The following WDR72 variants were observed in gnomAD, a reference collection of about 807,000 sequenced individuals.
WDR72 encodes the protein WD repeat domain 72.
WDR72 carries 120 observed loss-of-function variants against 124.2 expected under a neutral mutation model. That is an observed-to-expected ratio of 0.97 (90% CI 0.83 to 1.12). WDR72 has a LOEUF of 1.12. Among genes scored for constraint, WDR72 ranks in the 50% most tolerant of loss-of-function variants. The pLI, the probability that WDR72 is intolerant of heterozygous loss-of-function variation, is 0.00. For synonymous variants in WDR72, 452 were observed against 441.7 expected, an observed-to-expected ratio of 1.02 and a Z score of -0.29; for missense variants, 1,387 against 1,278.8, an observed-to-expected ratio of 1.08 and a Z score of -1.29.
intron 15 of WDR72, among the ~76,000 whole-genome samples, chr15:53,614,997 C>T (rs1906405): frequency 0.71 from 108,268 of 151,806 alleles, 38,656 homozygotes; most frequent in South Asian, 0.75. Flanking sequence ...CCTTCTCTGA[C>T]GATATAAAAA....
chr15:53,677,487 T>C (rs1454859148), intron 13 of WDR72, among the ~76,000 whole-genome samples: 1 of 152,190 alleles, frequency 6.6e-6, no homozygotes, highest in Non-Finnish European at 1.5e-5. Context: ...AAATTTTAGC[T>C]CTCATAATTC....
In WDR72 at chr15:53,714,493, C is replaced by A. The variant is rs751606837; in HGVS notation, c.532G>T (p.Val178Leu). Reference sequence around the variant, plus strand: ...ACTTTGAGCTCACCAGCTACTGATACCACCAAGAGAGAATCTTCTGTGAAA... The same window carrying A: ...ACTTTGAGCTCACCAGCTACTGATAACACCAAGAGAGAATCTTCTGTGAAA... ...MRIQEDSLLVVSVAGELKVWD... is the reference protein window; with the variant it reads ...MRIQEDSLLVLSVAGELKVWD... Residue 178 changes from valine to leucine, a missense_variant, in exon 6 of 20, where the codon GTA becomes TTA. Coordinates refer to ENST00000360509, the MANE Select transcript of WDR72 (RefSeq NM_182758.4). 1.9e-6 allele frequency: 3 copies of A among 1,613,354 alleles called. No individual in the cohort carries two copies. Among genetic ancestry groups the A allele is most frequent in the East Asian group, 4.5e-5 (2 of 44,842 alleles).
At chr15:53,647,248 T>A (rs998261730) in intron 14 of WDR72, among the ~76,000 whole-genome samples, 5 of 152,080 alleles carry the variant, frequency 3.3e-5, no homozygotes, top group African/African-American at 1.2e-4. Context: ...ACTAAAGGTA[T>A]TTATATCCAT....
intron 15 of WDR72, 140 bp from the exon 16 acceptor site, chr15:53,613,897 T>C (rs1040575909): frequency 1.6e-6 from 1 of 609,996 alleles, no homozygotes; most frequent in African/African-American, 1.8e-5. Flanking sequence ...ATCTTTCACA[T>C]CAATTTCTCT....
At chr15:53,610,623 T>C (rs1049721144) in intron 16 of WDR72, among the ~76,000 whole-genome samples, 5 of 151,736 alleles carry the variant, frequency 3.3e-5, no homozygotes, top group African/African-American at 1.2e-4. Context: ...TCAAGGAAAA[T>C]GCAATAAAGG....
upstream of WDR72, among the ~76,000 whole-genome samples, chr15:53,762,395 AACTG>A (rs2019076547): frequency 6.6e-6 from 1 of 152,170 alleles, no homozygotes; most frequent in African/African-American, 2.4e-5. Context: ...CACTTGTCAC[AACTG>A]ACTACCATTG....
intron 11 of WDR72, among the ~76,000 whole-genome samples, chr15:53,703,201 A>G (rs1054519283): frequency 1.3e-5 from 2 of 152,194 alleles, no homozygotes; most frequent in African/African-American, 4.8e-5. Flanking sequence ...GGCGGTAGCC[A>G]CCGCGCCCAG....
chr15:53,581,271 A>G (rs374208592), intron 18 of WDR72, among the ~76,000 whole-genome samples: 2 of 152,084 alleles, frequency 1.3e-5, no homozygotes, highest in East Asian at 3.9e-4. Flanking sequence ...TTTCACTACA[A>G]TGTAACCAAA....
intron 1 of WDR72, among the ~76,000 whole-genome samples, chr15:53,752,089 C>A (rs1448978773): frequency 6.6e-6 from 1 of 152,108 alleles, no homozygotes; most frequent in African/African-American, 2.4e-5. Context: ...TTCTATCATT[C>A]ATAACTTACA....
At chr15:53,609,204 T>C (rs145765939) in intron 17 of WDR72, among the ~76,000 whole-genome samples, 2 of 152,224 alleles carry the variant, frequency 1.3e-5, no homozygotes, top group African/African-American at 4.8e-5. Flanking sequence ...CATAGGTACT[T>C]TAATGTATGG....
At chr15:53,565,200 T>A (rs1431842286) in intron 18 of WDR72, among the ~76,000 whole-genome samples, 3 of 151,794 alleles carry the variant, frequency 2.0e-5, no homozygotes, top group Admixed American at 2.0e-4. Flanking sequence ...AGGGAGCCCT[T>A]GGGGACTCGA....
chr15:53,550,902 C>G (rs1478524103), intron 18 of WDR72, among the ~76,000 whole-genome samples: 1 of 151,948 alleles, frequency 6.6e-6, no homozygotes, highest in Admixed American at 6.6e-5. Context: ...ACAATCTGTA[C>G]ATAAACACAA....
rs757920439 is a variant in WDR72, at chr15:53,712,799, T to G, written c.684A>C (p.Leu228=). Residue 228 remains leucine, a synonymous_variant, in exon 7 of 20, where the codon CTA becomes CTC. Transcript: ENST00000360509. ...TCCAACATTTAGAAAATACCACCAA[T>G]AGAAGTCTCTCAGTATATGTGCAAA... ...IRFCTYTERL[L]LVVFSKCWKV... 2 of 1,613,224 alleles carry G rather than the reference T, an allele frequency of 1.2e-6. No individual in the cohort carries two copies. The highest frequency in any genetic ancestry group is 1.7e-6 in the Non-Finnish European group (2 of 1,179,340).
chr15:53,705,181 A>G lies in WDR72; in HGVS notation c.1155T>C (p.Asp385=), dbSNP rs1316558124. 6.2e-7 allele frequency: 1 copy of G among 1,614,076 alleles called. No homozygotes were observed. Among genetic ancestry groups the G allele is most frequent in the Non-Finnish European group, 8.5e-7 (1 of 1,180,024 alleles). ...WTLQDNFDKH[D]TMSQSIIDYF... ...AGTCAATAATACTTTGTGACATAGT[A>G]TCATGCTTATCAAAATTATCTTGAA... The change falls in exon 11 of 20, where the codon GAT becomes GAC. Residue 385 remains aspartate (D), a synonymous_variant. Transcript: ENST00000360509.
Position 53,653,697 on chromosome 15 carries a change from G to A in WDR72, c.1962+11875C>T, listed in dbSNP as rs568346686. On this transcript the variant is annotated intron_variant, in intron 14 of 19. Transcript: ENST00000360509. ...AGTTTCTTTTCTTTCTGTCATGCTT[G>A]TGGAAGCTGAAAATAATATTTCATA... 2.6e-5 allele frequency among the ~76,000 whole-genome samples: 4 copies of A among 152,188 alleles called. 1 individual carries two copies. Among genetic ancestry groups the A allele is most frequent in the African/African-American group, 9.6e-5 (4 of 41,532 alleles).
chr15:53,678,415 T>C (rs760845123), intron 13 of WDR72, among the ~76,000 whole-genome samples: 1 of 152,206 alleles, frequency 6.6e-6, no homozygotes, highest in East Asian at 1.9e-4. Flanking sequence ...GTTCCCTATA[T>C]AGCCAGTAGT....
intron 17 of WDR72, among the ~76,000 whole-genome samples, chr15:53,600,904 T>C (rs1280460632): frequency 1.3e-5 from 2 of 152,166 alleles, no homozygotes; most frequent in Non-Finnish European, 2.9e-5. Context: ...TTTTCTAGCA[T>C]TTATTTTTAT....
At chr15:53,558,696 C>G (rs189163661) in intron 18 of WDR72, among the ~76,000 whole-genome samples, 7 of 151,936 alleles carry the variant, frequency 4.6e-5, no homozygotes, top group African/African-American at 1.2e-4. Context: ...AAGAAAGAAC[C>G]CTGTAATGTA....
intron 18 of WDR72, among the ~76,000 whole-genome samples, chr15:53,555,464 A>G (rs1334514722): frequency 2.6e-5 from 4 of 152,078 alleles, no homozygotes; most frequent in African/African-American, 4.8e-5. Flanking sequence ...GCAAGTAAGC[A>G]TTTTGGATAA....
Sources: gnomAD v4.1 joint callset for allele counts (sites outside exome capture counted in the v4.1 genomes callset) on GRCh38, gnomAD v4.1.1 for gene constraint, MANE v1.5 for transcripts, NCBI Gene and HGNC (gene_info 2026-07-23, HGNC 2026-07-21) for gene names.